QTMAN: variants seen among roughly 807,000 people sequenced by gnomAD.
The protein encoded by QTMAN is tRNA-queuosine alpha-mannosyltransferase.
chr2:144,076,003 C>T, the QTMAN span, among the ~76,000 whole-genome samples: 1 of 152,236 alleles, frequency 6.6e-6, no homozygotes, highest in Non-Finnish European at 1.5e-5. Flanking sequence ...AATCCCAGCA[C>T]TTTGGGAGGA....
chr2:144,005,264 C>T, the QTMAN span, among the ~76,000 whole-genome samples: 1 of 151,970 alleles, frequency 6.6e-6, no homozygotes, highest in South Asian at 2.1e-4. Context: ...TTTTCTTACT[C>T]TTTTGATTAT....
chr2:144,193,362 A>G, the QTMAN span, among the ~76,000 whole-genome samples: 1 of 149,952 alleles, frequency 6.7e-6, no homozygotes, highest in Non-Finnish European at 1.5e-5. Flanking sequence ...ATGACATAAA[A>G]TGACCCCTAT....
the QTMAN span, among the ~76,000 whole-genome samples, chr2:144,076,357 T>C: frequency 6.6e-6 from 1 of 152,178 alleles, no homozygotes. Context: ...GATAGGCAAG[T>C]GGTGTTCACC....
the QTMAN span, among the ~76,000 whole-genome samples, chr2:144,305,444 AT>A: frequency 0.015 from 2,211 of 152,322 alleles, 21 homozygotes; most frequent in Non-Finnish European, 0.023. Context: ...TTTCAATTAT[AT>A]TCCAGTGACC....
chr2:144,044,156 T>C, the QTMAN span, among the ~76,000 whole-genome samples: 1 of 152,192 alleles, frequency 6.6e-6, no homozygotes, highest in Non-Finnish European at 1.5e-5. Flanking sequence ...TCCAGATAGC[T>C]ACCTCACTTT....
chr2:144,133,181 T>A, the QTMAN span, among the ~76,000 whole-genome samples: 1 of 47,040 alleles, frequency 2.1e-5, no homozygotes, highest in Non-Finnish European at 3.9e-5. Flanking sequence ...TAAATATATA[T>A]AATATAAATT....
chr2:144,196,085 T>C, the QTMAN span, among the ~76,000 whole-genome samples: 16 of 151,934 alleles, frequency 1.1e-4, no homozygotes, highest in Non-Finnish European at 2.2e-4. Flanking sequence ...AATTAAAAAT[T>C]CCCTTTGAAA....
chr2:144,025,516 G>A, the QTMAN span, among the ~76,000 whole-genome samples: 3 of 152,174 alleles, frequency 2.0e-5, no homozygotes, highest in Non-Finnish European at 2.9e-5. Context: ...CTAGTGGTGC[G>A]GGGAGGGAGC....
chr2:144,136,656 T>C, the QTMAN span, among the ~76,000 whole-genome samples: 1 of 152,104 alleles, frequency 6.6e-6, no homozygotes, highest in Non-Finnish European at 1.5e-5. Flanking sequence ...TCCTTTAGCA[T>C]CTAGTTTAGT....
At chr2:143,997,842 A>G in the QTMAN span, among the ~76,000 whole-genome samples, 2 of 152,054 alleles carry the variant, frequency 1.3e-5, no homozygotes, top group African/African-American at 2.4e-5. Context: ...TATTTTACCC[A>G]TGCTACCTTA....
At chr2:143,992,060 A>T in the QTMAN span, among the ~76,000 whole-genome samples, 1 of 152,354 alleles carries the variant, frequency 6.6e-6, no homozygotes, top group South Asian at 2.1e-4. Context: ...AGAACGGGCC[A>T]TGATGACAAT....
the QTMAN span, among the ~76,000 whole-genome samples, chr2:144,264,205 A>G: frequency 2.0e-5 from 3 of 152,214 alleles, no homozygotes; most frequent in Non-Finnish European, 2.9e-5. Flanking sequence ...CTGAGAGCCA[A>G]TATCACATAT....
chr2:143,962,780 T>G, the QTMAN span, among the ~76,000 whole-genome samples: 2 of 152,176 alleles, frequency 1.3e-5, no homozygotes, highest in Admixed American at 6.6e-5. Flanking sequence ...GTCATTTGTT[T>G]TTTTCCTTCT....
the QTMAN span, among the ~76,000 whole-genome samples, chr2:143,999,881 G>C: frequency 6.6e-6 from 1 of 152,060 alleles, no homozygotes; most frequent in Admixed American, 6.6e-5. Flanking sequence ...AGGGCAACAA[G>C]AGCTTTAGTT....
the QTMAN span, among the ~76,000 whole-genome samples, chr2:144,002,332 T>C: frequency 2.4e-4 from 37 of 152,096 alleles, no homozygotes; most frequent in African/African-American, 8.7e-4. Context: ...AAACTAGTTG[T>C]CTTTTCATGA....
At chr2:144,294,815 T>G in the QTMAN span, among the ~76,000 whole-genome samples, 1 of 152,106 alleles carries the variant, frequency 6.6e-6, no homozygotes, top group Non-Finnish European at 1.5e-5. Flanking sequence ...AACTCTCCAT[T>G]GCTTAAAAGT....
At chr2:144,024,634 T>C in the QTMAN span, among the ~76,000 whole-genome samples, 4 of 152,226 alleles carry the variant, frequency 2.6e-5, no homozygotes, top group Non-Finnish European at 4.4e-5. Context: ...CAAAATAAGG[T>C]TTCATTAAAG....
the QTMAN span, among the ~76,000 whole-genome samples, chr2:144,044,180 T>C: frequency 6.6e-6 from 1 of 152,144 alleles, no homozygotes; most frequent in African/African-American, 2.4e-5. Flanking sequence ...ACAGACCACA[T>C]TTGTGTTGCT....
At chr2:144,080,459 A>G in the QTMAN span, among the ~76,000 whole-genome samples, 1 of 152,138 alleles carries the variant, frequency 6.6e-6, no homozygotes, top group African/African-American at 2.4e-5. Context: ...TATTACCTGG[A>G]GCTTCAGCAA....
Sources: gnomAD v4.1 joint callset for allele counts (sites outside exome capture counted in the v4.1 genomes callset) on GRCh38, gnomAD v4.1.1 for gene constraint, MANE v1.5 for transcripts, NCBI Gene and HGNC (gene_info 2026-07-23, HGNC 2026-07-21) for gene names.